The following CNTNAP5 variants were observed in gnomAD, a reference collection of about 807,000 sequenced individuals.
CNTNAP5 encodes contactin associated protein family member 5, also known as contactin-associated protein-like 5.
CNTNAP5 carries 72 observed loss-of-function variants against 150.2 expected under a neutral mutation model. The ratio of observed to expected loss-of-function variants is 0.48; its 90% CI spans 0.40 to 0.58. The LOEUF is 0.58. Among genes scored for constraint, CNTNAP5 ranks in the 20% least tolerant of loss-of-function variants. CNTNAP5 has a pLI of 0.00. For missense variants in CNTNAP5, 1,636 were observed against 1,626.2 expected (o/e 1.01, Z -0.10); for synonymous variants, 672 against 619.8 (o/e 1.08, Z -1.25).
chr2:124,262,264 A>G (rs1164090165), intron 3 of CNTNAP5, among the ~76,000 whole-genome samples: 1 of 151,986 alleles, frequency 6.6e-6, no homozygotes, highest in Non-Finnish European at 1.5e-5. Flanking sequence ...TAAATGAATA[A>G]CCCACCCCAT....
intron 3 of CNTNAP5, among the ~76,000 whole-genome samples, chr2:124,351,722 TGGG>T (rs1430343631): frequency 6.6e-6 from 1 of 152,146 alleles, no homozygotes; most frequent in African/African-American, 2.4e-5. Context: ...TTAAAAGACC[TGGG>T]GCATTGTATA....
At chr2:124,233,841 A>AT in intron 2 of CNTNAP5, among the ~76,000 whole-genome samples, 1 of 151,520 alleles carries the variant, frequency 6.6e-6, no homozygotes, top group Non-Finnish European at 1.5e-5. Flanking sequence ...TAACCATACT[A>AT]TTTTTATAGA....
At chr2:124,761,879 A>G (rs1680962195) in intron 14 of CNTNAP5, among the ~76,000 whole-genome samples, 1 of 152,164 alleles carries the variant, frequency 6.6e-6, no homozygotes, top group Non-Finnish European at 1.5e-5. Context: ...ACTTTGACAC[A>G]AAAACATCAA....
At chr2:124,411,356 G>C (rs1207662522) in intron 3 of CNTNAP5, among the ~76,000 whole-genome samples, 1 of 151,960 alleles carries the variant, frequency 6.6e-6, no homozygotes, top group Non-Finnish European at 1.5e-5. Flanking sequence ...GAAAAAGAGG[G>C]TATCCTCCCT....
chr2:124,112,053 G>A (rs1683311104), intron 1 of CNTNAP5, among the ~76,000 whole-genome samples: 1 of 152,174 alleles, frequency 6.6e-6, no homozygotes, highest in African/African-American at 2.4e-5. Context: ...TATAATACTG[G>A]AGTTTCATGT....
intron 12 of CNTNAP5, among the ~76,000 whole-genome samples, chr2:124,646,667 C>T (rs949844965): frequency 1.3e-5 from 2 of 152,186 alleles, no homozygotes; most frequent in African/African-American, 4.8e-5. Flanking sequence ...GTTATTACTA[C>T]AGAGTGTCTG....
chr2:124,284,113 A>C (rs1193319101), intron 3 of CNTNAP5, among the ~76,000 whole-genome samples: 4 of 152,186 alleles, frequency 2.6e-5, no homozygotes, highest in African/African-American at 9.7e-5. Flanking sequence ...GGATGTTCTA[A>C]ATGCCATGCT....
chr2:124,295,281 G>A (rs1450251642), intron 3 of CNTNAP5, among the ~76,000 whole-genome samples: 1 of 89,878 alleles, frequency 1.1e-5, no homozygotes, highest in Non-Finnish European at 2.3e-5. Flanking sequence ...TGATCATTTG[G>A]GCTCATGTTT....
intron 17 of CNTNAP5, 77 bp downstream of exon 17, chr2:124,773,094 C>A: frequency 9.1e-7 from 1 of 1,096,728 alleles, no homozygotes; most frequent in Non-Finnish European, 1.4e-6. Flanking sequence ...AAAAAATTCT[C>A]TTTTATCTGA....
intron 4 of CNTNAP5, among the ~76,000 whole-genome samples, chr2:124,428,758 A>G (rs544706250): frequency 6.6e-6 from 1 of 151,682 alleles, no homozygotes; most frequent in South Asian, 2.1e-4. Flanking sequence ...ACATTACCTT[A>G]GGTAATGTGT....
At chr2:124,094,807 G>A (rs913390456) in intron 1 of CNTNAP5, among the ~76,000 whole-genome samples, 3 of 152,116 alleles carry the variant, frequency 2.0e-5, no homozygotes, top group African/African-American at 4.8e-5. Context: ...CAGCTGTGAA[G>A]GCACCTCTCT....
intron 13 of CNTNAP5, among the ~76,000 whole-genome samples, chr2:124,716,681 G>A (rs762150168): frequency 8.6e-5 from 13 of 152,026 alleles, no homozygotes; most frequent in Middle Eastern, 6.8e-3. Context: ...GCTTGATATC[G>A]AGGATGCCTA....
In CNTNAP5 at chr2:124,743,951, G is replaced by A. The variant is rs184583666; in HGVS notation, c.2078-3278G>A. ...CCAGATGGCCACAGGTGACTTATCC[G>A]TGGCCTATGAGTTTTGTTCAGGATG... On this transcript the variant is annotated intron_variant, in intron 13 of 23. Transcript: ENST00000682447. Among the ~76,000 whole-genome samples, 30 of 152,232 alleles carry A rather than the reference G, an allele frequency of 2.0e-4. No individual in the cohort carries two copies. The South Asian group carries it at 4.1e-3, about 21-fold the overall frequency.
At chr2:124,237,131 A>C (rs1431858660) in intron 2 of CNTNAP5, among the ~76,000 whole-genome samples, 1 of 152,178 alleles carries the variant, frequency 6.6e-6, no homozygotes, top group African/African-American at 2.4e-5. Flanking sequence ...CTCTGTCAAA[A>C]GAAAAAAGAA....
intron 19 of CNTNAP5, among the ~76,000 whole-genome samples, chr2:124,823,872 C>G (rs1346129406): frequency 1.3e-5 from 2 of 151,472 alleles, no homozygotes; most frequent in Non-Finnish European, 2.9e-5. Flanking sequence ...GATGCAGTTG[C>G]TAACTGCAAC....
At chr2:124,056,299 A>G (rs1038080416) in intron 1 of CNTNAP5, among the ~76,000 whole-genome samples, 14 of 152,072 alleles carry the variant, frequency 9.2e-5, no homozygotes, top group Non-Finnish European at 1.9e-4. Context: ...GCAATTACAA[A>G]AATCTCTTTT....
intron 3 of CNTNAP5, among the ~76,000 whole-genome samples, chr2:124,272,269 A>G (rs1687778466): frequency 6.6e-6 from 1 of 152,044 alleles, no homozygotes. Context: ...GTTTTCATTT[A>G]TTTTCTTAAG....
At chr2:124,314,264 T>C (rs1246866986) in intron 3 of CNTNAP5, among the ~76,000 whole-genome samples, 1 of 152,308 alleles carries the variant, frequency 6.6e-6, no homozygotes, top group Non-Finnish European at 1.5e-5. Context: ...GATTTCCGTG[T>C]TTCACAACCT....
At chr2:124,196,128 A>G (rs536176794) in intron 1 of CNTNAP5, among the ~76,000 whole-genome samples, 3 of 152,132 alleles carry the variant, frequency 2.0e-5, no homozygotes, top group Non-Finnish European at 4.4e-5. Context: ...GAAGAAGACA[A>G]TTGTCAAGCT....
Sources: gnomAD v4.1 joint callset for allele counts (sites outside exome capture counted in the v4.1 genomes callset) on GRCh38, gnomAD v4.1.1 for gene constraint, MANE v1.5 for transcripts, NCBI Gene and HGNC (gene_info 2026-07-23, HGNC 2026-07-21) for gene names.